The following WDTC1 variants were observed in gnomAD, a reference collection of about 807,000 sequenced individuals.
WDTC1 encodes the protein WD and tetratricopeptide repeats 1, also known as WD and tetratricopeptide repeats protein 1.
WDTC1 carries 12 observed loss-of-function variants against 76.0 expected under a neutral mutation model. The observed-to-expected ratio is 0.16, with a 90% CI of 0.10 to 0.26. The LOEUF (loss-of-function observed/expected upper bound fraction) is 0.26, where lower values mean the gene tolerates loss of function less well. Ranked by LOEUF, WDTC1 falls within the 10% of genes least tolerant of loss-of-function variation. The pLI, the probability that WDTC1 is intolerant of heterozygous loss-of-function variation, is 1.00. For missense variants in WDTC1, 511 were observed against 908.8 expected (o/e 0.56, Z 5.63); for synonymous variants, 326 against 350.8 (o/e 0.93, Z 0.79).
intron 1 of WDTC1, among the ~76,000 whole-genome samples, chr1:27,237,692 A>G (rs775621814): frequency 2.0e-5 from 3 of 152,068 alleles, no homozygotes; most frequent in Non-Finnish European, 4.4e-5. Context: ...TACTAAAAAT[A>G]CAAAAAAAAT....
intron 5 of WDTC1, among the ~76,000 whole-genome samples, chr1:27,286,652 C>T (rs972438802): frequency 1.3e-5 from 2 of 150,618 alleles, no homozygotes; most frequent in East Asian, 2.0e-4. Context: ...TTAGTAGAGA[C>T]GGGGTTTCAC....
In WDTC1 at chr1:27,306,514, G is replaced by A; in HGVS notation, c.*131G>A. The A allele has an allele frequency of 1.6e-6, 2 of 1,218,574 alleles. No homozygotes were observed. The highest frequency in any genetic ancestry group is 2.2e-6 in the Non-Finnish European group (2 of 898,336). The allele number at this position is 1,218,574 out of a possible 1,614,324, so 75.5% of individuals were successfully genotyped here. On this transcript the variant is annotated 3_prime_UTR_variant, in exon 16 of 16. Coordinates refer to ENST00000319394, the MANE Select transcript of WDTC1 (RefSeq NM_001276252.2). The surrounding 1 kb of genome is among the most constrained non-coding windows in gnomAD (Gnocchi z 5.0). Reference sequence around the variant, plus strand: ...TTCATTTCCCCTGTTTTGTTTGTTAGTTTGGCGTTAGGGGTGGAGGTTGCT... The same window carrying A: ...TTCATTTCCCCTGTTTTGTTTGTTAATTTGGCGTTAGGGGTGGAGGTTGCT...
rs541407038 is a variant in WDTC1 at position 27,298,244 on chromosome 1, G to A, written c.1232+133G>A. 611 of 1,145,566 alleles carry A rather than the reference G, an allele frequency of 5.3e-4. 12 individuals carry two copies. The South Asian group carries it at 0.011, about 20-fold the overall frequency. The allele number at this position is 1,145,566 out of a possible 1,614,324, so 71.0% of individuals were successfully genotyped here. A position where few individuals can be genotyped will look rare whatever the true frequency, so the allele number is the denominator to read the frequency against. On this transcript the variant is annotated intron_variant, in intron 12 of 15. Transcript: ENST00000319394. ...GGCAAGAACATATTGCTGCCTCTTA[G>A]GGCTTCTTGGCCTCTCCTCCCCACC...
chr1:27,252,358 A>C lies in WDTC1; in HGVS notation c.-99-8598A>C, dbSNP rs76803139. On this transcript the variant is annotated intron_variant, in intron 1 of 15. Transcript: ENST00000319394. ...ACTGAGCGAGATCCTGTCTCAAAAAACAAAAATAAAATTAAAAAACCTTTG... is the reference window on the plus strand; with the variant it reads ...ACTGAGCGAGATCCTGTCTCAAAAACCAAAAATAAAATTAAAAAACCTTTG... Among the ~76,000 whole-genome samples the C allele has an allele frequency of 8.8e-3, 1,336 of 152,220 alleles. 23 individuals are homozygous for C. The highest frequency in any genetic ancestry group is 0.03 in the African/African-American group (1,247 of 41,520).
At chr1:27,256,878 T>C (rs2012297686) in intron 1 of WDTC1, among the ~76,000 whole-genome samples, 4 of 152,206 alleles carry the variant, frequency 2.6e-5, no homozygotes, top group Non-Finnish European at 1.5e-5. Context: ...TTTCTTTTTT[T>C]TGAGATGGAG....
At chr1:27,295,016 T>C (rs1045550802) in intron 9 of WDTC1, among the ~76,000 whole-genome samples, 1 of 152,198 alleles carries the variant, frequency 6.6e-6, no homozygotes, top group African/African-American at 2.4e-5. Flanking sequence ...AGGAAATCCC[T>C]GGGGCTCAGA....
chr1:27,281,835 C>G (rs2013201183), intron 3 of WDTC1, among the ~76,000 whole-genome samples: 1 of 152,070 alleles, frequency 6.6e-6, no homozygotes, highest in Non-Finnish European at 1.5e-5. Flanking sequence ...GCAATCTGCC[C>G]AAAGCAGATT....
At chr1:27,300,749 G>T (rs762035606) in intron 12 of WDTC1, among the ~76,000 whole-genome samples, 6 of 152,158 alleles carry the variant, frequency 3.9e-5, no homozygotes, top group Non-Finnish European at 8.8e-5. Flanking sequence ...CAGACCCTGC[G>T]TCCCCAGCCT....
intron 1 of WDTC1, among the ~76,000 whole-genome samples, chr1:27,259,687 A>C (rs1351498923): frequency 6.6e-6 from 1 of 151,918 alleles, no homozygotes; most frequent in East Asian, 1.9e-4. Context: ...TATTTTTAAC[A>C]ATCAGAGTTG....
chr1:27,263,073 G>C, intron 2 of WDTC1, 79 bp from the exon 3 acceptor site: 1 of 1,499,140 alleles, frequency 6.7e-7, no homozygotes. Flanking sequence ...GCCCAGGAAA[G>C]AGCTGGATAT....
intron 3 of WDTC1, among the ~76,000 whole-genome samples, chr1:27,268,396 G>T (rs1385953547): frequency 2.6e-5 from 1 of 37,916 alleles, no homozygotes; most frequent in Non-Finnish European, 5.8e-5. Context: ...AATTTTTTAG[G>T]GTTTTGTTTG....
At position 27,265,988 on chromosome 1, in the gene WDTC1, T is replaced by G. The variant is rs528855330; in HGVS notation, c.132+2753T>G. 3.5e-4 allele frequency among the ~76,000 whole-genome samples: 54 copies of G among 152,202 alleles called. No homozygotes were observed. The South Asian group carries it at 0.011, about 31-fold the overall frequency. ...GTTTTAATTTCTAATATGATAAATATTGACAGATATCACCCATATAAACAA... is the reference window on the plus strand; with the variant it reads ...GTTTTAATTTCTAATATGATAAATAGTGACAGATATCACCCATATAAACAA... On this transcript the variant is annotated intron_variant, in intron 3 of 15. Coordinates refer to ENST00000319394, the MANE Select transcript of WDTC1 (RefSeq NM_001276252.2).
intron 1 of WDTC1, among the ~76,000 whole-genome samples, chr1:27,247,870 C>T (rs1020483344): frequency 2.0e-5 from 3 of 152,140 alleles, no homozygotes; most frequent in African/African-American, 7.2e-5. Flanking sequence ...AGGCACCTGA[C>T]ACCATGCCTG....
At chr1:27,237,350 C>T (rs2011512359) in intron 1 of WDTC1, among the ~76,000 whole-genome samples, 3 of 152,144 alleles carry the variant, frequency 2.0e-5, no homozygotes. Context: ...TCAAACAGAA[C>T]ATGTAATCTG....
intron 9 of WDTC1, among the ~76,000 whole-genome samples, chr1:27,295,808 C>G (rs2013668064): frequency 6.6e-6 from 1 of 152,116 alleles, no homozygotes; most frequent in Non-Finnish European, 1.5e-5. Flanking sequence ...TTCTGTCACC[C>G]AGGCTGGAGT....
chr1:27,296,759 C>CAGCCCCAGCCCT (rs1413775694), intron 10 of WDTC1, among the ~76,000 whole-genome samples: 1 of 150,980 alleles, frequency 6.6e-6, no homozygotes, highest in Admixed American at 6.6e-5. Context: ...TTCCCACCCC[C>CAGCCCCAGCCCT]AGCCCCAGCC....
intron 11 of WDTC1, among the ~76,000 whole-genome samples, chr1:27,297,585 T>C (rs1490635751): frequency 6.6e-6 from 1 of 152,218 alleles, no homozygotes; most frequent in Non-Finnish European, 1.5e-5. Context: ...AATAGAGTTC[T>C]CTAGACAGCG....
intron 1 of WDTC1, among the ~76,000 whole-genome samples, chr1:27,245,069 T>C (rs186536338): frequency 6.6e-6 from 1 of 151,780 alleles, no homozygotes; most frequent in East Asian, 1.9e-4. Flanking sequence ...AGAGGCTGGC[T>C]TGGAGCACAA....
At position 27,305,256 on chromosome 1, in the gene WDTC1, T is replaced by C. The variant is rs1046065959; in HGVS notation, c.1836+63T>C. On this transcript the variant is annotated intron_variant, in intron 15 of 15. Transcript: ENST00000319394. This position sits in a 1 kb window ranked among gnomAD's most constrained non-coding sequence, Gnocchi z 4.6. ...CTCTGTGGAAGGCTCCAGTGGAGCC[T>C]GCTAGCGCAGGGAAGAGAAATGAGC... The C allele has an allele frequency of 2.3e-5, 36 of 1,549,954 alleles. No individual in the cohort carries two copies. The highest frequency in any genetic ancestry group is 3.1e-5 in the Non-Finnish European group (36 of 1,149,588).
Sources: allele counts gnomAD v4.1 joint callset (sites outside exome capture counted in the v4.1 genomes callset), GRCh38; gene constraint gnomAD v4.1.1; non-coding constraint Gnocchi (gnomAD v3.1); transcripts MANE v1.5; gene names NCBI Gene and HGNC (gene_info 2026-07-23, HGNC 2026-07-21).